Variants in PRKCI observed in about 807,000 individuals in gnomAD.
PRKCI encodes protein kinase C iota, also known as protein kinase C iota type.
Under a neutral mutation model 84.0 loss-of-function variants are expected in PRKCI, and 43 were observed. The observed-to-expected ratio is 0.51, with a 90% confidence interval of 0.40 to 0.66. PRKCI has a LOEUF of 0.66. Ranked by LOEUF, PRKCI falls within the 30% of genes least tolerant of loss-of-function variation. PRKCI has a pLI of 0.00. For synonymous variants in PRKCI, 216 were observed against 234.4 expected, an observed-to-expected ratio of 0.92 and a Z score of 0.72; for missense variants, 459 against 745.6, an observed-to-expected ratio of 0.62 and a Z score of 4.48.
At chr3:170,242,105 G>T (rs537489155) in intron 2 of PRKCI, among the ~76,000 whole-genome samples, 2 of 151,848 alleles carry the variant, frequency 1.3e-5, no homozygotes, top group Admixed American at 1.3e-4. Flanking sequence ...GCAAAACTCC[G>T]TCTCAAAAAA....
intron 6 of PRKCI, among the ~76,000 whole-genome samples, chr3:170,271,575 C>G (rs1734006237): frequency 6.6e-6 from 1 of 152,096 alleles, no homozygotes; most frequent in Non-Finnish European, 1.5e-5. Context: ...TCATTTCTCT[C>G]TCTTCTTTTT....
chr3:170,291,675 C>T (rs964527198), intron 12 of PRKCI, 179 bp from the exon 13 acceptor site: 5 of 514,010 alleles, frequency 9.7e-6, no homozygotes, highest in South Asian at 2.3e-5. Context: ...CCAGCCTGGG[C>T]GACAGAGCAA....
Position 170,225,263 on chromosome 3 carries a change from TG to T in PRKCI, c.101+2494del, listed in dbSNP as rs141669850. ...TAAAGACAATATCAGCACTCTAAAT[TG>T]TACCAAATTCCTGTCCTCTGAAATT... On this transcript the variant is annotated intron_variant, in intron 1 of 17. Coordinates refer to ENST00000295797, the MANE Select transcript of PRKCI (RefSeq NM_002740.6). 6.6e-5 allele frequency among the ~76,000 whole-genome samples: 10 copies of T among 152,338 alleles called. No individual in the cohort carries two copies. The East Asian group carries it at 7.7e-4, about 12-fold the overall frequency.
intron 12 of PRKCI, among the ~76,000 whole-genome samples, chr3:170,287,471 A>G (rs1185085866): frequency 6.6e-6 from 1 of 151,788 alleles, no homozygotes; most frequent in Non-Finnish European, 1.5e-5. Context: ...GATTCTGTTT[A>G]CTTTTCAGCA....
chr3:170,248,721 C>G (rs1733358349), intron 2 of PRKCI, among the ~76,000 whole-genome samples: 1 of 152,106 alleles, frequency 6.6e-6, no homozygotes, highest in Admixed American at 6.6e-5. Flanking sequence ...GTGTTGGTCT[C>G]TAGGTACATT....
In PRKCI at chr3:170,285,866, T is replaced by C. The variant is rs2108861666; in HGVS notation, c.1203+1270T>C. 1.3e-5 allele frequency among the ~76,000 whole-genome samples: 2 copies of C among 151,952 alleles called. 1 individual carries two copies. Among genetic ancestry groups the C allele is most frequent in the South Asian group, 4.2e-4 (2 of 4,804 alleles). ...TTCAAGCCGTTCTCCAGCCTCAGCC[T>C]TCCAAGTAGCTGAGATTAAGGTGCG... On this transcript the variant is annotated intron_variant, in intron 12 of 17. Transcript: ENST00000295797.
chr3:170,226,796 G>C (rs1732637155), intron 1 of PRKCI, among the ~76,000 whole-genome samples: 1 of 152,100 alleles, frequency 6.6e-6, no homozygotes, highest in African/African-American at 2.4e-5. Context: ...GGGTTGGGGG[G>C]ATGTTAGCTA....
chr3:170,302,348 A>G (rs915493111), intron 17 of PRKCI, among the ~76,000 whole-genome samples: 4 of 152,156 alleles, frequency 2.6e-5, no homozygotes, highest in African/African-American at 9.7e-5. Context: ...TTAGAACAGG[A>G]CTTAGCTTAT....
intron 1 of PRKCI, among the ~76,000 whole-genome samples, chr3:170,223,275 T>C (rs1023207546): frequency 4.6e-5 from 7 of 152,178 alleles, no homozygotes; most frequent in African/African-American, 1.7e-4. Context: ...TCACGTAGTG[T>C]ATCTGCACTG....
At chr3:170,233,869 C>T (rs560886096) in intron 1 of PRKCI, among the ~76,000 whole-genome samples, 1 of 150,752 alleles carries the variant, frequency 6.6e-6, no homozygotes, top group South Asian at 2.1e-4. Context: ...TATAGGCACC[C>T]ACCACCATGC....
At chr3:170,246,867 G>T (rs749541654) in intron 2 of PRKCI, among the ~76,000 whole-genome samples, 11 of 151,920 alleles carry the variant, frequency 7.2e-5, no homozygotes, top group Admixed American at 2.0e-4. Context: ...TAAACTTTCT[G>T]TCTATGAATT....
At chr3:170,253,795 A>T (rs536556991) in intron 2 of PRKCI, among the ~76,000 whole-genome samples, 125 of 150,242 alleles carry the variant, frequency 8.3e-4, no homozygotes, top group African/African-American at 2.7e-3. Flanking sequence ...CATCTAAAAT[A>T]AAAAAAAATG....
intron 8 of PRKCI, among the ~76,000 whole-genome samples, chr3:170,277,491 C>T (rs1003395438): frequency 5.3e-5 from 8 of 151,984 alleles, no homozygotes; most frequent in Admixed American, 3.9e-4. Context: ...AGGATTGAGC[C>T]TGAGAGTTCA....
chr3:170,299,622 A>G (rs1483632820), intron 17 of PRKCI, among the ~76,000 whole-genome samples: 2 of 152,230 alleles, frequency 1.3e-5, no homozygotes, highest in Non-Finnish European at 2.9e-5. Context: ...CCTTTGCTTT[A>G]TAGTGCATTA....
chr3:170,292,633 C>A (rs919676368), intron 13 of PRKCI, among the ~76,000 whole-genome samples: 6 of 151,490 alleles, frequency 4.0e-5, no homozygotes, highest in Non-Finnish European at 7.4e-5. Flanking sequence ...TGGCGTGAAC[C>A]CGGGAGGCGG....
rs911084135 is a variant in PRKCI, at chr3:170,300,432, G to A, written c.1703+1322G>A. Among the ~76,000 whole-genome samples the A allele has an allele frequency of 2.0e-5, 3 of 151,866 alleles. No homozygotes were observed. The East Asian group carries it at 5.8e-4, about 29-fold the overall frequency. On this transcript the variant is annotated intron_variant, in intron 17 of 17. Transcript: ENST00000295797. ...TTAGTTTTCTCCAAGATTTCATTTT[G>A]TCAGTTATCTTTTTATTAGACCTTC...
intron 6 of PRKCI, among the ~76,000 whole-genome samples, chr3:170,271,198 A>G (rs1733996540): frequency 6.6e-6 from 1 of 152,178 alleles, no homozygotes; most frequent in Non-Finnish European, 1.5e-5. Context: ...TATGGAAAAA[A>G]TGTAAACATG....
chr3:170,228,636 CACACAT>C (rs1732700049), intron 1 of PRKCI, among the ~76,000 whole-genome samples: 2 of 151,610 alleles, frequency 1.3e-5, no homozygotes, highest in African/African-American at 4.9e-5. Context: ...CACACACACA[CACACAT>C]ATACATACAC....
intron 11 of PRKCI, among the ~76,000 whole-genome samples, chr3:170,282,880 G>GT (rs1341888554): frequency 7.8e-4 from 119 of 151,994 alleles, no homozygotes; most frequent in African/African-American, 2.8e-3. Context: ...GCCGAGGCGG[G>GT]TGGATCATGA....
Sources: gnomAD v4.1 joint callset for allele counts (sites outside exome capture counted in the v4.1 genomes callset) on GRCh38, gnomAD v4.1.1 for gene constraint, MANE v1.5 for transcripts, NCBI Gene and HGNC (gene_info 2026-07-23, HGNC 2026-07-21) for gene names.